Variants in SLC36A1 observed in about 807,000 individuals in gnomAD.
SLC36A1 encodes the protein proton-coupled amino acid transporter 1.
A neutral mutation model predicts 47.5 loss-of-function variants in SLC36A1; 30 were observed. The observed-to-expected ratio is 0.63, with a 90% CI of 0.47 to 0.86. The LOEUF is 0.86. SLC36A1 is among the 40% of genes least tolerant of loss of function. SLC36A1 has a pLI of 0.00. For synonymous variants in SLC36A1, 255 were observed against 249.7 expected (o/e 1.02, Z -0.20); for missense variants, 517 against 606.0 (o/e 0.85, Z 1.54).
chr5:151,521,395 T>C, the SLC36A1 span: 1 of 1,614,220 alleles, frequency 6.2e-7, no homozygotes, highest in Non-Finnish European at 8.5e-7. Context: ...GATTTGACCC[T>C]GGCAGGTTGG....
chr5:151,456,564 C>G (rs890413538), intron 1 of SLC36A1, among the ~76,000 whole-genome samples: 13 of 151,832 alleles, frequency 8.6e-5, no homozygotes, highest in Non-Finnish European at 1.8e-4. Context: ...TTTTTTTCTC[C>G]CGGCCCTCTA....
At chr5:151,465,747 C>T (rs1056890655) in intron 5 of SLC36A1, among the ~76,000 whole-genome samples, 10 of 152,146 alleles carry the variant, frequency 6.6e-5, no homozygotes, top group African/African-American at 2.4e-4. Context: ...AGATGAGAAA[C>T]GCACATGAGA....
chr5:151,408,336 A>C, the SLC36A1 span, among the ~76,000 whole-genome samples: 1 of 151,992 alleles, frequency 6.6e-6, no homozygotes, highest in Admixed American at 6.6e-5. Context: ...CTACAGGCAC[A>C]CACCACCACG....
chr5:151,427,111 AAC>A, the SLC36A1 span, among the ~76,000 whole-genome samples: 2 of 152,288 alleles, frequency 1.3e-5, no homozygotes, highest in Non-Finnish European at 2.9e-5. Flanking sequence ...TAGACACAGT[AAC>A]AGTCTGATCT....
chr5:151,472,852 T>C (rs1757506425), intron 7 of SLC36A1, among the ~76,000 whole-genome samples: 2 of 152,230 alleles, frequency 1.3e-5, no homozygotes, highest in South Asian at 4.1e-4. Context: ...TTCTACTTAG[T>C]TATCTCAATT....
the SLC36A1 span, among the ~76,000 whole-genome samples, chr5:151,500,092 A>G: frequency 1.6e-4 from 25 of 152,084 alleles, no homozygotes; most frequent in Admixed American, 1.6e-3. Flanking sequence ...AGAAATTAGC[A>G]TGGCCTTCTC....
At chr5:151,553,207 T>C in the SLC36A1 span, 1 of 1,614,260 alleles carries the variant, frequency 6.2e-7, no homozygotes, top group Non-Finnish European at 8.5e-7. Context: ...AGTCCGGGTC[T>C]GCCCTCTACG....
chr5:151,536,579 AC>A, the SLC36A1 span, among the ~76,000 whole-genome samples: 1 of 151,860 alleles, frequency 6.6e-6, no homozygotes, highest in Non-Finnish European at 1.5e-5. Flanking sequence ...ACTCCACCAG[AC>A]TCTCACAGCC....
chr5:151,385,009 A>AGAGAGTGTGTGTGTGT, the SLC36A1 span, among the ~76,000 whole-genome samples: 80 of 128,512 alleles, frequency 6.2e-4, no homozygotes, highest in African/African-American at 2.1e-3. Context: ...AGAGAGAGAG[A>AGAGAGTGTGTGTGTGT]GTGTGTGTGT....
At chr5:151,449,553 T>C (rs1451761227) in intron 1 of SLC36A1, among the ~76,000 whole-genome samples, 2 of 152,334 alleles carry the variant, frequency 1.3e-5, no homozygotes, top group East Asian at 3.9e-4. Context: ...CAGCCTCCTC[T>C]TGTGGCAGTT....
upstream of SLC36A1, among the ~76,000 whole-genome samples, chr5:151,432,671 A>G (rs1220495054): frequency 6.6e-6 from 1 of 152,198 alleles, no homozygotes; most frequent in African/African-American, 2.4e-5. Context: ...GCTTGACCCA[A>G]CCAGATGAAC....
chr5:151,550,538 C>T, the SLC36A1 span: 1 of 1,583,986 alleles, frequency 6.3e-7, no homozygotes, highest in Non-Finnish European at 8.6e-7. Flanking sequence ...CATGTCCACC[C>T]CTACACATCT....
rs1049175514 is a variant in SLC36A1, at chr5:151,473,803, T to C, written c.822+32T>C. The C allele has an allele frequency of 2.7e-6, 4 of 1,496,742 alleles. No individual in the cohort carries two copies. The African/African-American group carries it at 4.1e-5, about 16-fold the overall frequency. The allele number at this position is 1,496,742 out of a possible 1,614,324, so 92.7% of individuals were successfully genotyped here. On this transcript the variant is annotated intron_variant, in intron 8 of 10. Coordinates refer to ENST00000243389, the MANE Select transcript of SLC36A1 (RefSeq NM_078483.4). ...GCTGCACTGTGATTTGGGCTAGTGT[T>C]CTCTGGTGCCCTTGGTGTTCTCCAG...
chr5:151,427,577 G>A, the SLC36A1 span, among the ~76,000 whole-genome samples: 1 of 152,170 alleles, frequency 6.6e-6, no homozygotes, highest in African/African-American at 2.4e-5. Context: ...GAGTTAAGTT[G>A]TCAGGGGCCA....
chr5:151,544,600 T>A, the SLC36A1 span: 2 of 1,614,118 alleles, frequency 1.2e-6, no homozygotes, highest in Non-Finnish European at 1.7e-6. Flanking sequence ...TCTGACTTTG[T>A]AATAAGGACT....
the SLC36A1 span, among the ~76,000 whole-genome samples, chr5:151,541,544 A>G: frequency 6.6e-6 from 1 of 152,190 alleles, no homozygotes; most frequent in African/African-American, 2.4e-5. Context: ...TAGCAGAAGG[A>G]GCCATGTTCA....
the SLC36A1 span, chr5:151,543,986 G>T: frequency 1.4e-5 from 22 of 1,613,880 alleles, no homozygotes; most frequent in East Asian, 4.0e-4. Context: ...TATTGAGGTT[G>T]TCTGAACTCT....
the SLC36A1 span, among the ~76,000 whole-genome samples, chr5:151,389,478 G>A: frequency 1.3e-5 from 2 of 151,686 alleles, no homozygotes; most frequent in Non-Finnish European, 2.9e-5. Flanking sequence ...TGTTACGTAT[G>A]TATACATGTG....
the SLC36A1 span, chr5:151,512,426 A>G: frequency 6.2e-7 from 1 of 1,614,258 alleles, no homozygotes; most frequent in African/African-American, 1.3e-5. The surrounding 1 kb of genome is among the most constrained non-coding windows in gnomAD (Gnocchi z 4.1). Flanking sequence ...AGACCACGGC[A>G]GTTCTCTGGG....
Sources: gnomAD v4.1 joint callset for allele counts (sites outside exome capture counted in the v4.1 genomes callset) on GRCh38, gnomAD v4.1.1 for gene constraint, Gnocchi (gnomAD v3.1) non-coding constraint, MANE v1.5 for transcripts, NCBI Gene and HGNC (gene_info 2026-07-23, HGNC 2026-07-21) for gene names.